The following LRBA variants were observed in gnomAD, a reference collection of about 807,000 sequenced individuals.
The protein encoded by LRBA is LPS responsive beige-like anchor protein, also known as lipopolysaccharide-responsive and beige-like anchor protein.
A neutral mutation model predicts 330.0 loss-of-function variants in LRBA; 176 were observed. The ratio of observed to expected loss-of-function variants is 0.53; its 90% CI spans 0.47 to 0.60. The LOEUF is 0.60. LRBA is among the 20% of genes least tolerant of loss of function. The pLI, the probability that LRBA is intolerant of heterozygous loss-of-function variation, is 0.00. For missense variants in LRBA, 3,259 were observed against 3,444.8 expected (o/e 0.95, Z 1.35); for synonymous variants, 1,230 against 1,193.0 (o/e 1.03, Z -0.64).
chr4:150,655,946 CTT>C (rs1180699817), intron 37 of LRBA, among the ~76,000 whole-genome samples: 1 of 152,138 alleles, frequency 6.6e-6, no homozygotes, highest in East Asian at 1.9e-4. Context: ...CCTAAAACAT[CTT>C]TTTGTATTCT....
rs569097988 is a variant in LRBA at position 150,475,799 on chromosome 4, G to C, written c.6552-4060C>G. On this transcript the variant is annotated intron_variant, in intron 42 of 56. Transcript: ENST00000651943. ...TGTGCCTGTAGTCTCAGCTACTCAG[G>C]AGGCTGAGATGGGAGGGTGGCTTGA... Among the ~76,000 whole-genome samples, 39 of 151,928 alleles carry C rather than the reference G, an allele frequency of 2.6e-4. 1 individual carries two copies. The highest frequency in any genetic ancestry group is 9.2e-4 in the Admixed American group (14 of 15,266).
Position 150,818,247 on chromosome 4 carries a change from A to G in LRBA, c.5172-990T>C, listed in dbSNP as rs138541980. On this transcript the variant is annotated intron_variant, in intron 30 of 56. Transcript: ENST00000651943. ...TTTTTGTAGTTATTTTTAAAAACAC[A>G]CACACAAAGCAAAATAGGTTTCGTT... 2.3e-3 allele frequency among the ~76,000 whole-genome samples: 347 copies of G among 152,212 alleles called. 3 individuals carry two copies. The highest frequency in any genetic ancestry group is 7.5e-3 in the African/African-American group (312 of 41,578).
At chr4:150,800,924 T>A (rs932706743) in intron 33 of LRBA, among the ~76,000 whole-genome samples, 17 of 152,182 alleles carry the variant, frequency 1.1e-4, no homozygotes, top group African/African-American at 3.9e-4. Flanking sequence ...CACTGTAATT[T>A]CTTCAGTGGA....
At position 150,583,063 on chromosome 4, in the gene LRBA, C is replaced by T; in HGVS notation, c.6330+4985G>A. On this transcript the variant is annotated intron_variant, in intron 40 of 56. Transcript: ENST00000651943. This position sits in a 1 kb window ranked among gnomAD's most constrained non-coding sequence, Gnocchi z 9.8. ...CGCTCAGGCCAAGCTGGTTTACCAG[C>T]TCAATAAGTACTACACTGAGCGCTG... 6.2e-7 allele frequency: 1 copy of T among 1,610,550 alleles called. No individual in the cohort carries two copies. The highest frequency in any genetic ancestry group is 8.5e-7 in the Non-Finnish European group (1 of 1,177,924).
chr4:150,502,086 G>A (rs1267743669), intron 40 of LRBA, among the ~76,000 whole-genome samples: 1 of 152,198 alleles, frequency 6.6e-6, no homozygotes, highest in African/African-American at 2.4e-5. Context: ...AAGCAACAGA[G>A]CTCCAGAGAT....
At chr4:150,315,999 C>A (rs985366811) in intron 50 of LRBA, among the ~76,000 whole-genome samples, 15 of 152,062 alleles carry the variant, frequency 9.9e-5, no homozygotes, top group Admixed American at 6.6e-5. Context: ...CTTAAAAAGG[C>A]AGTTTTGAAT....
chr4:150,929,513 T>C (rs1734231607), intron 2 of LRBA, among the ~76,000 whole-genome samples: 2 of 152,224 alleles, frequency 1.3e-5, no homozygotes, highest in African/African-American at 2.4e-5. Context: ...TTGGAGTTTA[T>C]ATTAGTCAAA....
chr4:150,321,320 G>A lies in LRBA; in HGVS notation c.7501C>T (p.Leu2501Phe). The change falls in exon 50 of 57, where the codon CTC becomes TTC. Residue 2501 changes from leucine (L) to phenylalanine (F), a missense_variant. Transcript: ENST00000651943. The surrounding 1 kb of genome is among the most constrained non-coding windows in gnomAD (Gnocchi z 4.5). ...ACAGGGGAGTTGGAGGGAAACTTGA[G>A]GACCATGATAACATCCTGCTGGGCT... The part of the protein sequence containing the change: ...DKAQQDVIMV[L>F]KFPSNSPVTH... 1 of 1,606,928 alleles carries A rather than the reference G, an allele frequency of 6.2e-7. No homozygotes were observed. The highest frequency in any genetic ancestry group is 8.5e-7 in the Non-Finnish European group (1 of 1,177,686).
At chr4:150,645,585 C>T (rs1053410296) in intron 37 of LRBA, among the ~76,000 whole-genome samples, 4 of 151,792 alleles carry the variant, frequency 2.6e-5, no homozygotes, top group African/African-American at 9.7e-5. Flanking sequence ...TGTGGTACTG[C>T]GGAGCTTCTA....
intron 34 of LRBA, among the ~76,000 whole-genome samples, chr4:150,772,992 C>G (rs1736791293): frequency 6.6e-6 from 1 of 152,120 alleles, no homozygotes; most frequent in South Asian, 2.1e-4. Context: ...TAGCATGTAC[C>G]TTTTTGGTTA....
intron 34 of LRBA, among the ~76,000 whole-genome samples, chr4:150,782,346 G>A (rs1466091817): frequency 6.6e-6 from 1 of 152,210 alleles, no homozygotes; most frequent in Non-Finnish European, 1.5e-5. Flanking sequence ...CACAAACTTG[G>A]TGGCTTAAAG....
intron 41 of LRBA, among the ~76,000 whole-genome samples, chr4:150,489,568 T>C (rs1254165589): frequency 5.3e-4 from 44 of 82,630 alleles, no homozygotes; most frequent in Non-Finnish European, 8.3e-4. Flanking sequence ...ATATATATTA[T>C]ATATAAGAAT....
chr4:150,564,264 C>G (rs1377823447), intron 40 of LRBA, among the ~76,000 whole-genome samples: 1 of 152,062 alleles, frequency 6.6e-6, no homozygotes, highest in African/African-American at 2.4e-5. Flanking sequence ...TTTGACAAAC[C>G]TGACAAAAAC....
intron 44 of LRBA, among the ~76,000 whole-genome samples, chr4:150,440,741 C>T (rs1751714711): frequency 1.3e-5 from 2 of 152,036 alleles, no homozygotes; most frequent in Admixed American, 6.6e-5. Context: ...GCCTGGGTGA[C>T]AGAGTGAGAC....
At chr4:150,809,167 A>G (rs1464338977) in intron 31 of LRBA, among the ~76,000 whole-genome samples, 4 of 152,204 alleles carry the variant, frequency 2.6e-5, no homozygotes, top group African/African-American at 9.7e-5. Flanking sequence ...GTTCCAATAA[A>G]GGATGGAAAT....
chr4:150,934,217 T>G (rs1484935747), intron 2 of LRBA, among the ~76,000 whole-genome samples: 2 of 152,160 alleles, frequency 1.3e-5, no homozygotes, highest in African/African-American at 4.8e-5. Context: ...ATTCAAATAT[T>G]TAACAACTGG....
At chr4:150,333,067 AATAAGAG>A (rs1325149833) in intron 48 of LRBA, among the ~76,000 whole-genome samples, 2 of 152,194 alleles carry the variant, frequency 1.3e-5, no homozygotes, top group African/African-American at 4.8e-5. Flanking sequence ...GGAAGAAAGA[AATAAGAG>A]ATAAAAGTAA....
At chr4:150,499,535 G>C (rs1011124161) in intron 40 of LRBA, among the ~76,000 whole-genome samples, 1 of 152,116 alleles carries the variant, frequency 6.6e-6, no homozygotes, top group African/African-American at 2.4e-5. Context: ...GGCTACTCCA[G>C]AGGCTGAGGT....
chr4:150,872,669 GC>G lies in LRBA; in HGVS notation c.2251del (p.Ala751ProfsTer18). ...TAGATTTCGGCATACTTACTTTGGG[GC>G]CAGATGTTTTAAAAAATAACCCATT... ...KAMGYFLKHLAPKRKAEVMLG... is the reference protein window; with the variant it reads ...KAMGYFLKHLXPKRKAEVMLG... On this transcript the variant is annotated frameshift_variant, in exon 18 of 57. Coordinates refer to ENST00000651943, the MANE Select transcript of LRBA (RefSeq NM_001364905.1). LOFTEE classifies it high-confidence loss of function. 3 of 1,602,530 alleles carry G rather than the reference GC, an allele frequency of 1.9e-6. No homozygotes were observed. Among genetic ancestry groups the G allele is most frequent in the Non-Finnish European group, 2.6e-6 (3 of 1,171,364 alleles).
Sources: allele counts gnomAD v4.1 joint callset (sites outside exome capture counted in the v4.1 genomes callset), GRCh38; gene constraint gnomAD v4.1.1; non-coding constraint Gnocchi (gnomAD v3.1); transcripts MANE v1.5; gene names NCBI Gene and HGNC (gene_info 2026-07-23, HGNC 2026-07-21).